CNBD1: variants seen among roughly 807,000 people sequenced by gnomAD.
CNBD1 encodes cyclic nucleotide binding domain containing 1.
Under a neutral mutation model 54.4 loss-of-function variants are expected in CNBD1, and 71 were observed. The observed-to-expected ratio is 1.30, with a 90% confidence interval of 1.08 to 1.59. The LOEUF (loss-of-function observed/expected upper bound fraction) is 1.59, where lower values mean the gene tolerates loss of function less well. Among genes scored for constraint, CNBD1 ranks in the 40% most tolerant of loss-of-function variants. CNBD1 has a pLI of 0.00. For synonymous variants in CNBD1, 182 were observed against 170.7 expected (o/e 1.07, Z -0.51); for missense variants, 659 against 518.0 (o/e 1.27, Z -2.64).
chr8:87,149,749 GA>G (rs748373495), intron 4 of CNBD1, among the ~76,000 whole-genome samples: 2 of 151,710 alleles, frequency 1.3e-5, no homozygotes, highest in Admixed American at 6.6e-5. Flanking sequence ...AGTCAAACTA[GA>G]AAAAAAATAG....
At chr8:86,991,807 T>C (rs1254937282) in intron 4 of CNBD1, among the ~76,000 whole-genome samples, 2 of 152,140 alleles carry the variant, frequency 1.3e-5, no homozygotes, top group Non-Finnish European at 2.9e-5. Flanking sequence ...TCAAGTTCCA[T>C]GTATTTGTGT....
At position 86,905,201 on chromosome 8, in the gene CNBD1, A is replaced by G. The variant is rs1353801094; in HGVS notation, c.272+7A>G. On this transcript the variant is annotated splice_region_variant and intron_variant, in intron 3 of 10. Coordinates refer to ENST00000518476, the MANE Select transcript of CNBD1 (RefSeq NM_173538.3). ...TCAAACAGGAGGAACAAAGGTAATGATACCTTCTTTTGAAAGCAAGGTTGA... is the reference window on the plus strand; with the variant it reads ...TCAAACAGGAGGAACAAAGGTAATGGTACCTTCTTTTGAAAGCAAGGTTGA... The G allele has an allele frequency of 6.6e-6, 10 of 1,517,534 alleles. No individual in the cohort carries two copies. Among genetic ancestry groups the G allele is most frequent in the Non-Finnish European group, 6.4e-6 (7 of 1,094,142 alleles). 94.0% of individuals were successfully genotyped at this position (1,517,534 alleles called of 1,614,324 possible).
intron 8 of CNBD1, among the ~76,000 whole-genome samples, chr8:87,321,747 T>C (rs1809538378): frequency 6.6e-6 from 1 of 152,066 alleles, no homozygotes; most frequent in South Asian, 2.1e-4. Flanking sequence ...TTTGGTGTCG[T>C]ATCCAAGAAA....
At chr8:86,913,646 A>G (rs1053780694) in intron 3 of CNBD1, among the ~76,000 whole-genome samples, 1 of 152,188 alleles carries the variant, frequency 6.6e-6, no homozygotes, top group African/African-American at 2.4e-5. Context: ...CAGAGATCAC[A>G]TGCTTCAAGG....
Position 86,866,633 on chromosome 8 carries a change from C to T in CNBD1, c.88+50C>T, listed in dbSNP as rs771162278. 9.9e-5 allele frequency: 135 copies of T among 1,366,762 alleles called. 1 individual carries two copies. The highest frequency in any genetic ancestry group is 2.3e-4 in the African/African-American group (16 of 69,630). The allele number at this position is 1,366,762 out of a possible 1,614,324, so 84.7% of individuals were successfully genotyped here. On this transcript the variant is annotated intron_variant, in intron 1 of 10. Coordinates refer to ENST00000518476, the MANE Select transcript of CNBD1 (RefSeq NM_173538.3). ...CTTATTCACCTACCATTGTTTTCAGCGGTTCTTACCCCAGCTATGAAAATT... is the reference window on the plus strand; with the variant it reads ...CTTATTCACCTACCATTGTTTTCAGTGGTTCTTACCCCAGCTATGAAAATT...
chr8:86,965,330 G>A (rs7841642), intron 4 of CNBD1, among the ~76,000 whole-genome samples: 138,526 of 152,154 alleles, frequency 0.91, 63,174 homozygotes, highest in East Asian at 0.99. Flanking sequence ...ACACCAAGGT[G>A]TAGCCTCAGC....
intron 2 of CNBD1, among the ~76,000 whole-genome samples, chr8:87,426,147 G>C (rs1049887849): frequency 8.5e-5 from 13 of 152,196 alleles, no homozygotes; most frequent in Non-Finnish European, 1.5e-4. Flanking sequence ...TGTGCTTCCT[G>C]AGTGAGGCAA....
At chr8:87,073,176 G>GCCA (rs1025630197) in intron 4 of CNBD1, among the ~76,000 whole-genome samples, 52 of 151,918 alleles carry the variant, frequency 3.4e-4, no homozygotes, top group African/African-American at 1.3e-3. Flanking sequence ...TCTCTAAACT[G>GCCA]GGTATTCTGG....
chr8:86,912,127 A>T (rs57589874), intron 3 of CNBD1, among the ~76,000 whole-genome samples: 4,186 of 152,278 alleles, frequency 0.027, 179 homozygotes, highest in African/African-American at 0.09. Flanking sequence ...TGACTTTTAT[A>T]AAAATGTTAT....
Position 87,281,732 on chromosome 8 carries a change from A to G in CNBD1, c.772-2946A>G, listed in dbSNP as rs1161998745. On this transcript the variant is annotated intron_variant, in intron 6 of 10. Transcript: ENST00000518476. The stretch of plus-strand genomic sequence containing the variant: ...CTGCATACATTTTTTAGTTTATTTT[A>G]ATAGATATTGCCAGATAATTTCTCA... Among the ~76,000 whole-genome samples, 5 of 150,592 alleles carry G rather than the reference A, an allele frequency of 3.3e-5. No individual in the cohort carries two copies. In the East Asian group the frequency reaches 7.8e-4, roughly 24 times the overall value.
chr8:87,040,201 T>A (rs1290936868), intron 4 of CNBD1, among the ~76,000 whole-genome samples: 1 of 152,164 alleles, frequency 6.6e-6, no homozygotes, highest in African/African-American at 2.4e-5. Context: ...TTGAGACAGA[T>A]TGTTACTGTC....
Position 87,182,893 on chromosome 8 carries a change from C to T in CNBD1, c.432-23100C>T, listed in dbSNP as rs79091944. ...CTTTCTTTCTTTGTCCTGTGCAGAA[C>T]CTCTTTGGTTTAATTAGGTTACACT... On this transcript the variant is annotated intron_variant, in intron 4 of 10. Coordinates refer to ENST00000518476, the MANE Select transcript of CNBD1 (RefSeq NM_173538.3). This position sits in a 1 kb window ranked among gnomAD's most constrained non-coding sequence, Gnocchi z 4.1. Among the ~76,000 whole-genome samples, 1 of 152,008 alleles carries T rather than the reference C, an allele frequency of 6.6e-6. No homozygotes were observed. The highest frequency in any genetic ancestry group is 1.9e-4 in the East Asian group (1 of 5,180).
intron 1 of CNBD1, among the ~76,000 whole-genome samples, chr8:86,869,678 G>C (rs1808414490): frequency 6.6e-6 from 1 of 152,154 alleles, no homozygotes; most frequent in Non-Finnish European, 1.5e-5. Flanking sequence ...AAGCAGAAGA[G>C]CTGTTCCACT....
chr8:87,099,060 A>AT (rs1811376683), intron 4 of CNBD1, among the ~76,000 whole-genome samples: 1 of 146,016 alleles, frequency 6.8e-6, no homozygotes, highest in Non-Finnish European at 1.5e-5. Flanking sequence ...AAAAAAAAAA[A>AT]CAAAACTCCA....
At chr8:87,234,253 A>T (rs1807526407) in intron 5 of CNBD1, among the ~76,000 whole-genome samples, 1 of 152,078 alleles carries the variant, frequency 6.6e-6, no homozygotes, top group South Asian at 2.1e-4. Context: ...TGATATTTTG[A>T]CCTCCTCTCA....
intron 5 of CNBD1, among the ~76,000 whole-genome samples, chr8:87,208,285 A>G: frequency 6.6e-6 from 1 of 152,142 alleles, no homozygotes; most frequent in South Asian, 2.1e-4. Flanking sequence ...GGTTTTATAA[A>G]TAATCGAACA....
chr8:87,228,957 A>T (rs763681747), intron 5 of CNBD1, among the ~76,000 whole-genome samples: 1 of 152,168 alleles, frequency 6.6e-6, no homozygotes, highest in South Asian at 2.1e-4. Flanking sequence ...CCGTTTTTTA[A>T]GCCCGTCGGA....
At chr8:87,266,436 A>AACTTT (rs71503464) in intron 6 of CNBD1, among the ~76,000 whole-genome samples, 2 of 76,226 alleles carry the variant, frequency 2.6e-5, no homozygotes, top group Non-Finnish European at 6.3e-5. Flanking sequence ...AAAAAAAAAA[A>AACTTT]TCTTTTTTTT....
chr8:87,169,199 C>T (rs1813034672), intron 4 of CNBD1, among the ~76,000 whole-genome samples: 1 of 152,034 alleles, frequency 6.6e-6, no homozygotes, highest in African/African-American at 2.4e-5. Context: ...CCTTTTCATA[C>T]ACATTTTCCA....
Sources: gnomAD v4.1 joint callset for allele counts (sites outside exome capture counted in the v4.1 genomes callset) on GRCh38, gnomAD v4.1.1 for gene constraint, Gnocchi (gnomAD v3.1) non-coding constraint, MANE v1.5 for transcripts, NCBI Gene and HGNC (gene_info 2026-07-23, HGNC 2026-07-21) for gene names.